Variants in C12orf42 observed in about 807,000 individuals in gnomAD.
C12orf42 encodes the protein chromosome 12 open reading frame 42.
In C12orf42, 25 loss-of-function variants were observed where a neutral mutation model predicts 21.6. The ratio of observed to expected loss-of-function variants is 1.16; its 90% CI spans 0.84 to 1.62. C12orf42 has a LOEUF of 1.62. C12orf42 is among the 40% of genes most tolerant of loss of function. The pLI, the probability that C12orf42 is intolerant of heterozygous loss-of-function variation, is 0.00. For missense variants in C12orf42, 483 were observed against 459.3 expected, an observed-to-expected ratio of 1.05 and a Z score of -0.47; for synonymous variants, 174 against 175.0, an observed-to-expected ratio of 0.99 and a Z score of 0.05.
chr12:103,336,889 T>C (rs933161275), intron 4 of C12orf42, among the ~76,000 whole-genome samples: 7 of 152,196 alleles, frequency 4.6e-5, no homozygotes, highest in South Asian at 4.2e-4. Context: ...AATAACTTGG[T>C]TGAACAAAGG....
At chr12:103,163,607 A>T in the C12orf42 span, among the ~76,000 whole-genome samples, 2 of 152,302 alleles carry the variant, frequency 1.3e-5, no homozygotes. Context: ...TAATTAAAAA[A>T]CAAAAGCAGA....
Position 103,302,208 on chromosome 12 carries a change from A to T in C12orf42, c.983T>A (p.Ile328Lys). Residue 328 changes from isoleucine (I) to lysine (K), a missense_variant, in exon 6 of 6, where the codon ATA becomes AAA. Transcript: ENST00000548883. ...GGGGGGTGCTGAGGAGCAAACCTTT[A>T]TTAACCTCTTGGAGGGGAAATGGGT... ...ASTHFPSKRL[I>K]KVCSSAPPRP... The T allele has an allele frequency of 6.2e-7, 1 of 1,612,486 alleles. No individual in the cohort carries two copies. The highest frequency in any genetic ancestry group is 1.7e-4 in the Middle Eastern group (1 of 5,898).
intron 10 of C12orf42, among the ~76,000 whole-genome samples, chr12:103,254,974 A>T (rs928582475): frequency 1.3e-5 from 2 of 152,194 alleles, no homozygotes; most frequent in African/African-American, 4.8e-5. Flanking sequence ...TTCAAAAAAT[A>T]TGTATTCTGT....
At chr12:103,506,001 G>C in the C12orf42 span, 1 of 190,182 alleles carries the variant, frequency 5.3e-6, no homozygotes, top group Non-Finnish European at 1.1e-5. Flanking sequence ...CGGATGCACA[G>C]GTCTTTGTAC....
chr12:103,561,980 G>C, the C12orf42 span, among the ~76,000 whole-genome samples: 58 of 152,294 alleles, frequency 3.8e-4, no homozygotes, highest in African/African-American at 1.3e-3. Flanking sequence ...TTACAGTGTG[G>C]TGGTCAGAAG....
chr12:103,429,520 A>G (rs915113934), intron 2 of C12orf42, among the ~76,000 whole-genome samples: 1 of 152,244 alleles, frequency 6.6e-6, no homozygotes, highest in East Asian at 1.9e-4. Flanking sequence ...GGAAGCATCA[A>G]TATCATGAAA....
the C12orf42 span, among the ~76,000 whole-genome samples, chr12:103,090,349 C>A: frequency 2.6e-5 from 4 of 152,006 alleles, no homozygotes; most frequent in African/African-American, 9.7e-5. Context: ...AATGCTGAAG[C>A]CTTGAGGAGC....
In C12orf42 at chr12:103,260,107, T is replaced by A. The variant is rs185912563; in HGVS notation, c.*1366+3219A>T. 3.3e-4 allele frequency among the ~76,000 whole-genome samples: 50 copies of A among 152,202 alleles called. No homozygotes were observed. In the East Asian group the frequency reaches 9.7e-3, roughly 29 times the overall value. On this transcript the variant is annotated intron_variant and NMD_transcript_variant, in intron 10 of 10. Transcript: ENST00000547347. ...AGCCTTAAAATAGAAGAAAAAAAAA[T>A]TGTACAATCTGAATTAATTGAAACC...
chr12:103,092,576 A>T, the C12orf42 span, among the ~76,000 whole-genome samples: 1 of 152,170 alleles, frequency 6.6e-6, no homozygotes, highest in Non-Finnish European at 1.5e-5. Flanking sequence ...CATTCTAAGA[A>T]TGCTATTTAT....
the C12orf42 span, among the ~76,000 whole-genome samples, chr12:103,176,486 T>A: frequency 2.6e-4 from 39 of 152,214 alleles, no homozygotes; most frequent in African/African-American, 9.4e-4. Context: ...GGCACACTGG[T>A]AAATGTTCAA....
chr12:103,343,094 A>C (rs906859102), intron 4 of C12orf42, among the ~76,000 whole-genome samples: 6 of 152,352 alleles, frequency 3.9e-5, no homozygotes, highest in East Asian at 1.9e-4. Flanking sequence ...AATGGGACTT[A>C]ACAAAATTTA....
chr12:103,527,078 C>G, the C12orf42 span, among the ~76,000 whole-genome samples: 1 of 152,100 alleles, frequency 6.6e-6, no homozygotes, highest in East Asian at 1.9e-4. Flanking sequence ...TGGTCCTCTT[C>G]TTCTTGTCAG....
At chr12:103,455,521 T>C (rs1470878022) in intron 2 of C12orf42, among the ~76,000 whole-genome samples, 3 of 152,144 alleles carry the variant, frequency 2.0e-5, no homozygotes, top group Non-Finnish European at 4.4e-5. Flanking sequence ...CTCTTATGCA[T>C]CCTGGTTTGA....
chr12:103,408,159 C>T (rs1179544487), intron 2 of C12orf42, among the ~76,000 whole-genome samples: 1 of 152,142 alleles, frequency 6.6e-6, no homozygotes, highest in Non-Finnish European at 1.5e-5. Flanking sequence ...TGATTGTGGG[C>T]ACCTTGCCCT....
the C12orf42 span, among the ~76,000 whole-genome samples, chr12:103,139,977 T>G: frequency 6.6e-6 from 1 of 152,196 alleles, no homozygotes; most frequent in Admixed American, 6.5e-5. Context: ...CTCATTGCTC[T>G]GTAGGTCTCT....
At chr12:103,092,535 C>T in the C12orf42 span, among the ~76,000 whole-genome samples, 3 of 152,138 alleles carry the variant, frequency 2.0e-5, no homozygotes, top group Non-Finnish European at 1.5e-5. Context: ...CAGAATAACA[C>T]CTTTTACAGT....
At chr12:103,325,745 C>T (rs1043700878) in intron 4 of C12orf42, among the ~76,000 whole-genome samples, 1 of 152,124 alleles carries the variant, frequency 6.6e-6, no homozygotes, top group Non-Finnish European at 1.5e-5. Context: ...GACATTGCCC[C>T]ATATTAAGAT....
chr12:103,111,096 G>A, the C12orf42 span, among the ~76,000 whole-genome samples: 2 of 152,014 alleles, frequency 1.3e-5, no homozygotes, highest in Non-Finnish European at 2.9e-5. Context: ...ACCTAGTTTG[G>A]GGTCTTATTT....
At chr12:103,316,221 AT>A (rs11323112) in intron 4 of C12orf42, among the ~76,000 whole-genome samples, 54,451 of 151,310 alleles carry the variant, frequency 0.36, 11,000 homozygotes, top group African/African-American at 0.53. Context: ...TTATTTGTCA[AT>A]TTTAAAATTT....
Sources: gnomAD v4.1 joint callset for allele counts (sites outside exome capture counted in the v4.1 genomes callset) on GRCh38, gnomAD v4.1.1 for gene constraint, MANE v1.5 for transcripts, NCBI Gene and HGNC (gene_info 2026-07-23, HGNC 2026-07-21) for gene names.